RPS6KA2: variants seen among roughly 807,000 people sequenced by gnomAD.
RPS6KA2 encodes ribosomal protein S6 kinase A2, also known as ribosomal protein S6 kinase alpha-2.
A neutral mutation model predicts 91.8 loss-of-function variants in RPS6KA2; 42 were observed. That is an observed-to-expected ratio of 0.46 (90% CI 0.36 to 0.59). RPS6KA2 has a LOEUF of 0.59. Among genes scored for constraint, RPS6KA2 ranks in the 20% least tolerant of loss-of-function variants. The probability of loss-of-function intolerance (pLI) is 0.00; values close to 1 mark genes in which losing one functional copy is unlikely to be tolerated. For missense variants in RPS6KA2, 798 were observed against 978.5 expected, an observed-to-expected ratio of 0.82 and a Z score of 2.46; for synonymous variants, 414 against 393.6, an observed-to-expected ratio of 1.05 and a Z score of -0.61.
rs1376485125 is a variant in RPS6KA2 at position 166,423,251 on chromosome 6, C to T, written c.1743+5G>A. The T allele has an allele frequency of 4.4e-6, 7 of 1,604,446 alleles. No homozygotes were observed. In the East Asian group the frequency reaches 1.3e-4, roughly 31 times the overall value. On this transcript the variant is annotated splice_donor_5th_base_variant and intron_variant, in intron 17 of 20. Coordinates refer to ENST00000265678, the MANE Select transcript of RPS6KA2 (RefSeq NM_021135.6). This position sits in a 1 kb window ranked among gnomAD's most constrained non-coding sequence, Gnocchi z 4.8. ...GGCCTGGGTCTGCAGTCGGGGAATG[C>T]TCACCTCCGGGGCCACGAAATTGGC... is the stretch of plus-strand genomic sequence containing the variant.
At chr6:166,729,508 C>T (rs1265060911) in intron 2 of RPS6KA2, among the ~76,000 whole-genome samples, 1 of 152,112 alleles carries the variant, frequency 6.6e-6, no homozygotes, top group Non-Finnish European at 1.5e-5. Context: ...ACCACTATAC[C>T]CAGCTAATTT....
intron 1 of RPS6KA2, among the ~76,000 whole-genome samples, chr6:166,623,052 C>T (rs1284347398): frequency 3.3e-5 from 5 of 152,330 alleles, no homozygotes; most frequent in Non-Finnish European, 1.5e-5. Context: ...CTAGCAATAT[C>T]CCAGGTAGAG....
At chr6:166,608,875 C>T (rs538471623) in intron 1 of RPS6KA2, among the ~76,000 whole-genome samples, 19 of 152,130 alleles carry the variant, frequency 1.2e-4, no homozygotes, top group African/African-American at 3.6e-4. Flanking sequence ...TCCAAACAAC[C>T]GGCAAGCTAA....
At chr6:166,485,316 C>CA (rs1781367413) in intron 10 of RPS6KA2, among the ~76,000 whole-genome samples, 5 of 152,242 alleles carry the variant, frequency 3.3e-5, no homozygotes, top group Admixed American at 6.5e-5. Flanking sequence ...GTGGAAATGG[C>CA]ATGCAAAGAT....
chr6:166,659,175 A>G (rs1326256329), intron 2 of RPS6KA2, among the ~76,000 whole-genome samples: 1 of 72,428 alleles, frequency 1.4e-5, no homozygotes, highest in African/African-American at 6.0e-5. Context: ...AATGAGCATG[A>G]AGTCAGACAG....
intron 2 of RPS6KA2, among the ~76,000 whole-genome samples, chr6:166,753,823 T>C (rs895623054): frequency 1.3e-5 from 2 of 152,172 alleles, no homozygotes; most frequent in African/African-American, 4.8e-5. Context: ...CGGTTAATAA[T>C]GAAGAAAACA....
intron 3 of RPS6KA2, among the ~76,000 whole-genome samples, chr6:166,529,777 A>T (rs73788028): frequency 0.19 from 28,343 of 152,184 alleles, 2,816 homozygotes; most frequent in South Asian, 0.25. Flanking sequence ...GAGTGGGGCC[A>T]GGATCTGTGT....
At chr6:166,634,988 A>G (rs975991281) in intron 2 of RPS6KA2, among the ~76,000 whole-genome samples, 2 of 152,220 alleles carry the variant, frequency 1.3e-5, no homozygotes, top group Non-Finnish European at 2.9e-5. Flanking sequence ...AAAAACTAAT[A>G]TTCAAGAACT....
intron 1 of RPS6KA2, among the ~76,000 whole-genome samples, chr6:166,580,669 A>C (rs6910053): frequency 0.69 from 102,392 of 149,112 alleles, 36,798 homozygotes; most frequent in East Asian, 0.99. Flanking sequence ...CCCCACCCCC[A>C]ACCCCTGACC....
At chr6:166,641,386 T>A (rs1429491384) in intron 2 of RPS6KA2, among the ~76,000 whole-genome samples, 2 of 151,996 alleles carry the variant, frequency 1.3e-5, no homozygotes, top group Non-Finnish European at 2.9e-5. Flanking sequence ...TTTGTAAAAA[T>A]AAGTAAAACT....
chr6:166,728,808 C>T (rs6933260), intron 2 of RPS6KA2, among the ~76,000 whole-genome samples: 39,862 of 152,034 alleles, frequency 0.26, 5,324 homozygotes, highest in African/African-American at 0.33. Flanking sequence ...CTGGAGGGGT[C>T]GGGCACCCGC....
At position 166,495,333 on chromosome 6, in the gene RPS6KA2, C is replaced by T. The variant is rs922213178; in HGVS notation, c.747+3175G>A. Among the ~76,000 whole-genome samples the T allele has an allele frequency of 6.6e-6, 1 of 152,148 alleles. No individual in the cohort carries two copies. Among genetic ancestry groups the T allele is most frequent in the African/African-American group, 2.4e-5 (1 of 41,404 alleles). ...CAGCAGTTCTGGAGCCGGACCCCTT[C>T]CCCAGCTGTCACGAGACATTGAATG... On this transcript the variant is annotated intron_variant, in intron 8 of 20. Transcript: ENST00000265678. The surrounding 1 kb of genome is among the most constrained non-coding windows in gnomAD (Gnocchi z 4.4).
At chr6:166,621,829 C>G (rs148932887) in intron 1 of RPS6KA2, among the ~76,000 whole-genome samples, 215 of 152,324 alleles carry the variant, frequency 1.4e-3, no homozygotes, top group African/African-American at 5.1e-3. Context: ...TTGACCCGAA[C>G]GTTGCCTTCA....
chr6:166,655,403 T>A (rs1171207396), intron 2 of RPS6KA2, among the ~76,000 whole-genome samples: 1 of 152,210 alleles, frequency 6.6e-6, no homozygotes, highest in Admixed American at 6.5e-5. Flanking sequence ...ATGTGGTGAA[T>A]GATGTCATGT....
intron 2 of RPS6KA2, among the ~76,000 whole-genome samples, chr6:166,765,355 C>T (rs2128604771): frequency 6.6e-6 from 1 of 152,300 alleles, no homozygotes; most frequent in South Asian, 2.1e-4. Flanking sequence ...GGTGACGACC[C>T]ACGGCCACGA....
intron 2 of RPS6KA2, among the ~76,000 whole-genome samples, chr6:166,790,327 G>C (rs555745879): frequency 6.6e-6 from 1 of 152,318 alleles, no homozygotes; most frequent in Non-Finnish European, 1.5e-5. Flanking sequence ...AGTATAAAAA[G>C]AAATGAACAA....
In RPS6KA2 at chr6:166,494,713, T is replaced by C. The variant is rs1212773352; in HGVS notation, c.747+3795A>G. Among the ~76,000 whole-genome samples the C allele has an allele frequency of 6.6e-6, 1 of 152,136 alleles. No individual in the cohort carries two copies. The highest frequency in any genetic ancestry group is 2.4e-5 in the African/African-American group (1 of 41,436). ...TTCAGGGACACTGACTTCCTGCCCC[T>C]GGCACAGGCATCCTTCCTTCCAGGT... On this transcript the variant is annotated intron_variant, in intron 8 of 20. Transcript: ENST00000265678. This position sits in a 1 kb window ranked among gnomAD's most constrained non-coding sequence, Gnocchi z 5.1.
At chr6:166,830,138 A>AGAAAG (rs1383896028) in intron 2 of RPS6KA2, among the ~76,000 whole-genome samples, 1 of 129,042 alleles carries the variant, frequency 7.7e-6, no homozygotes, top group African/African-American at 2.9e-5. Context: ...AAAAAAAAAA[A>AGAAAG]AAAGAAAGAA....
rs572494880 is a variant in RPS6KA2, at chr6:166,549,181, G to A, written c.100-10397C>T. On this transcript the variant is annotated intron_variant, in intron 1 of 20. Coordinates refer to ENST00000265678, the MANE Select transcript of RPS6KA2 (RefSeq NM_021135.6). ...AAAATAGTGATAAACATCAAACATC[G>A]GTGAGGATGCAGAGAAACTGGACCT... Among the ~76,000 whole-genome samples, 31 of 152,316 alleles carry A rather than the reference G, an allele frequency of 2.0e-4. No homozygotes were observed. The South Asian group carries it at 5.4e-3, about 26-fold the overall frequency.
Sources: allele counts gnomAD v4.1 joint callset (sites outside exome capture counted in the v4.1 genomes callset), GRCh38; gene constraint gnomAD v4.1.1; non-coding constraint Gnocchi (gnomAD v3.1); transcripts MANE v1.5; gene names NCBI Gene and HGNC (gene_info 2026-07-23, HGNC 2026-07-21).